Variants in JAKMIP2 observed in about 807,000 individuals in gnomAD.
JAKMIP2 encodes the protein janus kinase and microtubule interacting protein 2.
Under a neutral mutation model 115.0 loss-of-function variants are expected in JAKMIP2, and 25 were observed. The observed-to-expected ratio is 0.22, with a 90% CI of 0.16 to 0.30. JAKMIP2 has a LOEUF of 0.30. JAKMIP2 is among the 10% of genes least tolerant of loss of function. The pLI, the probability that JAKMIP2 is intolerant of heterozygous loss-of-function variation, is 1.00. For synonymous variants in JAKMIP2, 334 were observed against 343.6 expected (o/e 0.97, Z 0.31); for missense variants, 642 against 957.6 (o/e 0.67, Z 4.35).
Position 147,590,482 on chromosome 5 carries a change from T to G in JAKMIP2, c.*1225A>C, listed in dbSNP as rs1295597357. On this transcript the variant is annotated 3_prime_UTR_variant, in exon 22 of 22. Coordinates refer to ENST00000616793, the MANE Select transcript of JAKMIP2 (RefSeq NM_001270941.2). ...ATTTCCATATAAAAAAGTAGAGCTA[T>G]CTTGTTGCTGTCATCTGTCTGGGAA... 6.6e-6 allele frequency: 1 copy of G among 152,178 alleles called. No homozygotes were observed. The highest frequency in any genetic ancestry group is 1.5e-5 in the Non-Finnish European group (1 of 68,028). 9.4% of individuals were successfully genotyped at this position (152,178 alleles called of 1,614,324 possible). A position where few individuals can be genotyped will look rare whatever the true frequency, so the allele number is the denominator to read the frequency against.
intron 20 of JAKMIP2, among the ~76,000 whole-genome samples, chr5:147,604,553 A>G (rs1177054106): frequency 6.6e-6 from 1 of 152,132 alleles, no homozygotes; most frequent in Admixed American, 6.5e-5. Context: ...AACCTCACAT[A>G]TATGGATAAT....
intron 1 of JAKMIP2, among the ~76,000 whole-genome samples, chr5:147,693,655 A>G (rs1751974058): frequency 6.7e-6 from 1 of 148,166 alleles, no homozygotes; most frequent in African/African-American, 2.4e-5. Flanking sequence ...AAATGTTACA[A>G]TAAAAAAAAA....
At position 147,590,006 on chromosome 5, in the gene JAKMIP2, G is replaced by A. The variant is rs1405667902; in HGVS notation, c.*1701C>T. On this transcript the variant is annotated 3_prime_UTR_variant, in exon 22 of 22. Coordinates refer to ENST00000616793, the MANE Select transcript of JAKMIP2 (RefSeq NM_001270941.2). ...CATTTTAACCCCATTTTGCAGATGA[G>A]GAAACTGAGGCACAGAGAGGTTAAG... 6.6e-6 allele frequency: 1 copy of A among 152,212 alleles called. No homozygotes were observed. The highest frequency in any genetic ancestry group is 1.5e-5 in the Non-Finnish European group (1 of 68,056). The allele number at this position is 152,212 out of a possible 1,614,324, so 9.4% of individuals were successfully genotyped here. A position where few individuals can be genotyped will look rare whatever the true frequency, so the allele number is the denominator to read the frequency against.
At chr5:147,702,377 A>G (rs1752359868) in intron 1 of JAKMIP2, among the ~76,000 whole-genome samples, 1 of 150,068 alleles carries the variant, frequency 6.7e-6, no homozygotes, top group Non-Finnish European at 1.5e-5. Flanking sequence ...GGGTGCACCA[A>G]CATCTCAGAA....
intron 5 of JAKMIP2, among the ~76,000 whole-genome samples, chr5:147,647,815 C>T (rs1294789770): frequency 1.3e-5 from 2 of 152,080 alleles, no homozygotes; most frequent in Non-Finnish European, 2.9e-5. Flanking sequence ...CATATTCCAC[C>T]AGAAATGGGC....
rs981689134 is a variant in JAKMIP2 at position 147,589,788 on chromosome 5, C to T, written c.*1919G>A. The stretch of plus-strand genomic sequence containing the variant: ...TTATTGCTAATAATGTCCCAAGTAG[C>T]TTGATAAGCAAGCTTCAGTGCTATA... On this transcript the variant is annotated 3_prime_UTR_variant, in exon 22 of 22. Transcript: ENST00000616793. 1.3e-5 allele frequency: 2 copies of T among 152,154 alleles called. No individual in the cohort carries two copies. The highest frequency in any genetic ancestry group is 2.4e-5 in the African/African-American group (1 of 41,438). 9.4% of individuals were successfully genotyped at this position (152,154 alleles called of 1,614,324 possible). A position where few individuals can be genotyped will look rare whatever the true frequency, so the allele number is the denominator to read the frequency against.
chr5:147,637,736 C>T lies in JAKMIP2; in HGVS notation c.1531-688G>A, dbSNP rs974242366. Among the ~76,000 whole-genome samples the T allele has an allele frequency of 2.6e-5, 4 of 152,042 alleles. No individual in the cohort carries two copies. The South Asian group carries it at 6.2e-4, about 24-fold the overall frequency. ...GGCCTTTCCATTCTTTCAGAGCAAA[C>T]TTTGTGCCTAAATTTAAGTCCCTAA... On this transcript the variant is annotated intron_variant, in intron 10 of 21. Transcript: ENST00000616793.
chr5:147,607,994 G>C (rs1183704105), intron 20 of JAKMIP2, among the ~76,000 whole-genome samples: 1 of 152,110 alleles, frequency 6.6e-6, no homozygotes, highest in Non-Finnish European at 1.5e-5. Flanking sequence ...ATCGTAGTTT[G>C]TATTTCTGTG....
chr5:147,764,967 G>GGAGAGAGAGAGAGAGAGAGAGA (rs1561582729), intron 1 of JAKMIP2, among the ~76,000 whole-genome samples: 1 of 21,246 alleles, frequency 4.7e-5, no homozygotes, highest in Admixed American at 6.0e-4. Context: ...AGAGAGAGAG[G>GGAGAGAGAGAGAGAGAGAGAGA]GGGAGAGAGA....
chr5:147,628,711 A>G, intron 16 of JAKMIP2, 40 bp downstream of exon 16: 1 of 1,521,380 alleles, frequency 6.6e-7, no homozygotes, highest in East Asian at 2.3e-5. Context: ...GTATTAAGCC[A>G]GACACCGAGA....
chr5:147,672,698 A>G (rs1484073576), intron 1 of JAKMIP2, among the ~76,000 whole-genome samples: 1 of 152,222 alleles, frequency 6.6e-6, no homozygotes, highest in Non-Finnish European at 1.5e-5. Flanking sequence ...CCTGGGTTGA[A>G]TAAGAAAGGC....
In JAKMIP2 at chr5:147,644,841, G is replaced by A; in HGVS notation, c.1083+9C>T. On this transcript the variant is annotated intron_variant, in intron 6 of 21. Coordinates refer to ENST00000616793, the MANE Select transcript of JAKMIP2 (RefSeq NM_001270941.2). ...GAAGCTGCAGTTTTGCAGAGTCTGTGATACACACCATTTCTGAATTTTCCT... is the reference window on the plus strand; with the variant it reads ...GAAGCTGCAGTTTTGCAGAGTCTGTAATACACACCATTTCTGAATTTTCCT... 9 of 1,612,160 alleles carry A rather than the reference G, an allele frequency of 5.6e-6. No individual in the cohort carries two copies. Among genetic ancestry groups the A allele is most frequent in the South Asian group, 1.1e-5 (1 of 90,790 alleles).
At chr5:147,780,383 AAAAC>A (rs1460002696) in intron 1 of JAKMIP2, among the ~76,000 whole-genome samples, 1 of 152,200 alleles carries the variant, frequency 6.6e-6, no homozygotes, top group African/African-American at 2.4e-5. Context: ...AAAAGAAACA[AAAAC>A]AAAGCCCCAG....
chr5:147,772,808 T>C (rs1755412870), intron 1 of JAKMIP2, among the ~76,000 whole-genome samples: 1 of 152,062 alleles, frequency 6.6e-6, no homozygotes, highest in African/African-American at 2.4e-5. Flanking sequence ...GCTTTGGGTA[T>C]AACATTTAAC....
intron 1 of JAKMIP2, among the ~76,000 whole-genome samples, chr5:147,770,117 T>C (rs1329289004): frequency 2.0e-5 from 3 of 152,158 alleles, no homozygotes; most frequent in African/African-American, 7.2e-5. Flanking sequence ...ATTCTATCTT[T>C]TGATTTTTGA....
intron 16 of JAKMIP2, among the ~76,000 whole-genome samples, chr5:147,628,038 TCTCA>T (rs1003570316): frequency 2.0e-5 from 3 of 150,478 alleles, no homozygotes; most frequent in Non-Finnish European, 4.4e-5. Flanking sequence ...GGAGATGGAG[TCTCA>T]CTATGTTGCC....
intron 1 of JAKMIP2, among the ~76,000 whole-genome samples, chr5:147,732,500 G>A (rs1753771250): frequency 6.6e-6 from 1 of 152,154 alleles, no homozygotes; most frequent in Non-Finnish European, 1.5e-5. Context: ...TCTTGTAAGA[G>A]TATGTTAGAA....
chr5:147,620,622 T>C, intron 18 of JAKMIP2, 44 bp downstream of exon 18: 1 of 1,359,506 alleles, frequency 7.4e-7, no homozygotes, highest in Non-Finnish European at 1.1e-6. Flanking sequence ...CCACAGTGCA[T>C]AACTGTAAAT....
intron 1 of JAKMIP2, among the ~76,000 whole-genome samples, chr5:147,709,495 A>G (rs1752701545): frequency 6.6e-6 from 1 of 152,244 alleles, no homozygotes; most frequent in Non-Finnish European, 1.5e-5. Context: ...AAAAAATGGA[A>G]TTAAGTATTT....
Sources: gnomAD v4.1 joint callset for allele counts (sites outside exome capture counted in the v4.1 genomes callset) on GRCh38, gnomAD v4.1.1 for gene constraint, MANE v1.5 for transcripts, NCBI Gene and HGNC (gene_info 2026-07-23, HGNC 2026-07-21) for gene names.